Variants in FASTKD1 observed in about 807,000 individuals in gnomAD.
The protein encoded by FASTKD1 is FAST kinase domains 1, also known as FAST kinase domain-containing protein 1, mitochondrial.
In FASTKD1, 94 loss-of-function variants were observed where a neutral mutation model predicts 90.9. The ratio of observed to expected loss-of-function variants is 1.03; its 90% CI spans 0.88 to 1.23. The LOEUF is 1.23. Ranked by LOEUF, FASTKD1 falls within the 50% of genes most tolerant of loss-of-function variation. The pLI is 0.00. For missense variants in FASTKD1, 945 were observed against 993.5 expected, an observed-to-expected ratio of 0.95 and a Z score of 0.66; for synonymous variants, 319 against 345.8, an observed-to-expected ratio of 0.92 and a Z score of 0.86.
rs1183980748 is a variant in FASTKD1 at position 169,572,033 on chromosome 2, T to C, written c.-4A>G. 3 of 1,559,822 alleles carry C rather than the reference T, an allele frequency of 1.9e-6. No individual in the cohort carries two copies. The highest frequency in any genetic ancestry group is 2.6e-6 in the Non-Finnish European group (3 of 1,153,858). On this transcript the variant is annotated 5_prime_UTR_variant, in exon 2 of 15. The change creates a new upstream start codon in the 5' untranslated region. Transcript: ENST00000453153. ...GGAAAACAGGTGTTTTTTTCATTTA[T>C]ATCACAAGTTTTCTTAGGTAAACAA...
In FASTKD1 at chr2:169,555,183, T is replaced by C. The variant is rs2683455; in HGVS notation, c.1155A>G (p.Leu385=). Residue 385 remains leucine, a synonymous_variant, in exon 7 of 15, where the codon TTA becomes TTG. Coordinates refer to ENST00000453153, the MANE Select transcript of FASTKD1 (RefSeq NM_024622.6). Reference sequence around the variant, plus strand: ...CCTTCCTTTGGAAATGCAGAAAAGTTAATTCTTGAGTTATCTTCAACAACT... The same window carrying C: ...CCTTCCTTTGGAAATGCAGAAAAGTCAATTCTTGAGTTATCTTCAACAACT... The part of the protein sequence containing the change: ...PLELLKITQE[L]TFLHFQRKEF... The C allele has an allele frequency of 0.66, 1,061,186 of 1,611,268 alleles. 351,809 individuals are homozygous for C. Among genetic ancestry groups the C allele is most frequent in the Admixed American group, 0.79 (46,971 of 59,774 alleles).
At position 169,546,015 on chromosome 2, in the gene FASTKD1, C is replaced by G. The variant is rs548614808; in HGVS notation, c.1701+203G>C. Among the ~76,000 whole-genome samples the G allele has an allele frequency of 2.0e-5, 3 of 152,286 alleles. 1 individual carries two copies. The highest frequency in any genetic ancestry group is 7.2e-5 in the African/African-American group (3 of 41,576). On this transcript the variant is annotated intron_variant, in intron 8 of 14. Transcript: ENST00000453153. ...GTGGTGCAATCATAGCTCACTGAGC[C>G]TTAATTCCTGGGCTCAACCAATCCT...
chr2:169,552,989 T>G (rs1011968335), intron 7 of FASTKD1, among the ~76,000 whole-genome samples: 6 of 151,906 alleles, frequency 3.9e-5, no homozygotes. Flanking sequence ...GGCGGATCAC[T>G]TGAGGTCAGG....
rs1037783639 is a variant in FASTKD1, at chr2:169,529,754, T to A, written c.*71A>T. ...CCTTAGGACATTTGTACCTATTTTTTAATTGAGACAGGCCACTTTATTAAA... is the reference window on the plus strand; with the variant it reads ...CCTTAGGACATTTGTACCTATTTTTAAATTGAGACAGGCCACTTTATTAAA... On this transcript the variant is annotated 3_prime_UTR_variant, in exon 15 of 15. Transcript: ENST00000453153. The A allele has an allele frequency of 1.3e-4, 134 of 1,036,106 alleles. No homozygotes were observed. The highest frequency in any genetic ancestry group is 1.8e-4 in the Non-Finnish European group (128 of 695,586). 64.2% of individuals were successfully genotyped at this position (1,036,106 alleles called of 1,614,324 possible). A position where few individuals can be genotyped will look rare whatever the true frequency, so the allele number is the denominator to read the frequency against.
intron 14 of FASTKD1, 56 bp from the exon 15 acceptor site, chr2:169,529,982 T>A: frequency 2.4e-6 from 3 of 1,232,418 alleles, no homozygotes; most frequent in Non-Finnish European, 3.5e-6. Context: ...CAAAAAACAT[T>A]GAGGAAGACA....
chr2:169,552,713 G>C (rs1449129491), intron 7 of FASTKD1, among the ~76,000 whole-genome samples: 1 of 152,140 alleles, frequency 6.6e-6, no homozygotes, highest in Non-Finnish European at 1.5e-5. Flanking sequence ...AAGGCATACA[G>C]AGTGATATAT....
Position 169,571,663 on chromosome 2 carries a change from CGT to C in FASTKD1, c.365_366del (p.Tyr122CysfsTer8). ...AAGTAAATTACTTACTGTTGTGTGA[CGT>C]ATAACACATTCACCAGGGTATCGTC... ...MNDDTLVNVL[Y>X]VTQQFAGEAH... is the part of the protein sequence containing the mutation. On this transcript the variant is annotated frameshift_variant, in exon 2 of 15. Transcript: ENST00000453153. LOFTEE classifies it high-confidence loss of function. 3 of 1,584,542 alleles carry C rather than the reference CGT, an allele frequency of 1.9e-6. No individual in the cohort carries two copies. The highest frequency in any genetic ancestry group is 2.6e-6 in the Non-Finnish European group (3 of 1,157,236).
chr2:169,554,278 TAAAAAAAAAAAAAAAAAAAAAAAA>T (rs58641456), intron 7 of FASTKD1, among the ~76,000 whole-genome samples: 2 of 29,782 alleles, frequency 6.7e-5, no homozygotes, highest in South Asian at 2.0e-3. Context: ...ACCCTGTCTC[TAAAAAAAAAAAAAAAAAAAAAAAA>T]AAAAAAAAAA....
At chr2:169,564,735 C>A (rs570897977) in intron 3 of FASTKD1, among the ~76,000 whole-genome samples, 7 of 152,016 alleles carry the variant, frequency 4.6e-5, no homozygotes, top group Admixed American at 6.6e-5. Flanking sequence ...CCCTTCCCAG[C>A]CTCTGGTAAC....
chr2:169,546,490 G>A lies in FASTKD1; in HGVS notation c.1429C>T (p.Leu477=). ...MYLDNMTAKQ[L]KLLQKLDHYG... The stretch of plus-strand genomic sequence containing the variant: ...TGATCTAATTTTTGAAGTAGTTTCA[G>A]TTGTTTCGCAGTCATATTATCCAAA... The change falls in exon 8 of 15, where the codon CTG becomes TTG. Residue 477 remains leucine (L), a synonymous_variant. Transcript: ENST00000453153. 6.2e-7 allele frequency: 1 copy of A among 1,614,146 alleles called. No homozygotes were observed.
intron 12 of FASTKD1, among the ~76,000 whole-genome samples, chr2:169,534,029 G>A (rs1256760111): frequency 6.6e-6 from 1 of 151,704 alleles, no homozygotes; most frequent in African/African-American, 2.4e-5. Flanking sequence ...AAATTAGCCT[G>A]GTGTGGTGGT....
intron 5 of FASTKD1, among the ~76,000 whole-genome samples, chr2:169,557,922 T>A (rs1193736984): frequency 6.6e-6 from 1 of 152,218 alleles, no homozygotes; most frequent in South Asian, 2.1e-4. Flanking sequence ...GATAAACTAA[T>A]TGTCTATTCA....
At chr2:169,539,543 G>A (rs149230874) in intron 10 of FASTKD1, among the ~76,000 whole-genome samples, 1,553 of 152,168 alleles carry the variant, frequency 0.01, 24 homozygotes, top group African/African-American at 0.036. Context: ...CAAGGAGGGA[G>A]AATCACTTGA....
At chr2:169,530,325 G>T (rs1342107962) in intron 14 of FASTKD1, among the ~76,000 whole-genome samples, 1 of 152,052 alleles carries the variant, frequency 6.6e-6, no homozygotes, top group Admixed American at 6.6e-5. Context: ...ATGAGACAGG[G>T]TCTTGCTCTG....
chr2:169,537,928 TTAAGTA>T (rs1684794355), intron 11 of FASTKD1, 79 bp downstream of exon 11: 2 of 1,198,374 alleles, frequency 1.7e-6, no homozygotes, highest in South Asian at 1.6e-5. Flanking sequence ...CGTGTCATGT[TTAAGTA>T]TAACAAGATT....
In FASTKD1 at chr2:169,529,009, C is replaced by T. The variant is rs184563348; in HGVS notation, c.*816G>A. Among the ~76,000 whole-genome samples the T allele has an allele frequency of 4.4e-4, 67 of 152,228 alleles. No homozygotes were observed. Among genetic ancestry groups the T allele is most frequent in the African/African-American group, 1.6e-3 (66 of 41,536 alleles). On this transcript the variant is annotated 3_prime_UTR_variant, in exon 15 of 15. Transcript: ENST00000453153. ...CACTCTTCTCTAATCTCATTTTAAG[C>T]GATTTCATCTACTCTCATGGCATTG...
In FASTKD1 at chr2:169,529,909, C is replaced by T. The variant is rs1559135126; in HGVS notation, c.2460G>A (p.Trp820Ter). 6.2e-7 allele frequency: 1 copy of T among 1,610,156 alleles called. No homozygotes were observed. Among genetic ancestry groups the T allele is most frequent in the African/African-American group, 1.3e-5 (1 of 74,722 alleles). ...YRVIQISQFE[W>*]NSMALSTKDA... ...CCTTTGTTGACAGTGCCATAGAGTT[C>T]CATTCAAACTGGGAAATCTGAAAAT... The change falls in exon 15 of 15, where the codon TGG becomes TGA. Residue 820 changes from tryptophan to a stop codon, truncating the protein, a stop_gained. Transcript: ENST00000453153. LOFTEE classifies it high-confidence loss of function.
At position 169,558,623 on chromosome 2, in the gene FASTKD1, A is replaced by G. The variant is rs144006591; in HGVS notation, c.972-1326T>C. Among the ~76,000 whole-genome samples the G allele has an allele frequency of 8.6e-3, 1,308 of 151,382 alleles. 25 individuals are homozygous for G. The highest frequency in any genetic ancestry group is 0.03 in the African/African-American group (1,227 of 41,294). On this transcript the variant is annotated intron_variant, in intron 5 of 14. Coordinates refer to ENST00000453153, the MANE Select transcript of FASTKD1 (RefSeq NM_024622.6). ...CACCACCACGCCCGGCTAATTTTTT[A>G]TATTTTTACTAGAAACGGGGTTTCA...
intron 7 of FASTKD1, among the ~76,000 whole-genome samples, chr2:169,548,464 G>C (rs531739713): frequency 6.6e-6 from 1 of 151,612 alleles, no homozygotes; most frequent in African/African-American, 2.4e-5. Context: ...GGGCATGGTG[G>C]CTCACACCTT....
Sources: allele counts gnomAD v4.1 joint callset (sites outside exome capture counted in the v4.1 genomes callset), GRCh38; gene constraint gnomAD v4.1.1; transcripts MANE v1.5; gene names NCBI Gene and HGNC (gene_info 2026-07-23, HGNC 2026-07-21).